The following CCDC47 variants were observed in gnomAD, a reference collection of about 807,000 sequenced individuals.
CCDC47 encodes the protein PAT complex subunit CCDC47.
In CCDC47, 41 loss-of-function variants were observed where a neutral mutation model predicts 60.5. That is an observed-to-expected ratio of 0.68 (90% CI 0.53 to 0.88). The LOEUF (loss-of-function observed/expected upper bound fraction) is 0.88. Among genes scored for constraint, CCDC47 ranks in the 40% least tolerant of loss-of-function variants. The pLI is 0.00. For synonymous variants in CCDC47, 195 were observed against 190.7 expected (o/e 1.02, Z -0.18); for missense variants, 513 against 580.9 (o/e 0.88, Z 1.20).
chr17:63,768,976 T>C (rs1024133392), intron 1 of CCDC47, among the ~76,000 whole-genome samples: 1 of 151,374 alleles, frequency 6.6e-6, no homozygotes, highest in African/African-American at 2.4e-5. Flanking sequence ...CCCAGCTACT[T>C]GGGAGGCTGA....
intron 1 of CCDC47, among the ~76,000 whole-genome samples, chr17:63,769,214 C>T (rs1335022548): frequency 1.4e-5 from 2 of 148,020 alleles, no homozygotes; most frequent in African/African-American, 2.5e-5. Context: ...TGCGCCACTG[C>T]ACTACAGCCT....
At chr17:63,756,103 A>G in intron 8 of CCDC47, 137 bp downstream of exon 8, 1 of 626,210 alleles carries the variant, frequency 1.6e-6, no homozygotes, top group Non-Finnish European at 2.9e-6. Flanking sequence ...TAAAGAAGGT[A>G]TTTTAATATT....
intron 8 of CCDC47, among the ~76,000 whole-genome samples, 175 bp from the exon 9 acceptor site, chr17:63,754,693 C>T (rs1229177377): frequency 2.6e-5 from 4 of 151,678 alleles, no homozygotes; most frequent in African/African-American, 7.3e-5. Flanking sequence ...TCAGCCTGGC[C>T]AACACAGTGA....
chr17:63,762,360 C>G, intron 4 of CCDC47: 3 of 470,370 alleles, frequency 6.4e-6, no homozygotes, highest in Non-Finnish European at 8.3e-6. Flanking sequence ...ACGGGGTGGA[C>G]TTTGCAAACA....
intron 8 of CCDC47, among the ~76,000 whole-genome samples, chr17:63,754,795 A>G (rs2144477467): frequency 6.6e-6 from 1 of 151,776 alleles, no homozygotes; most frequent in South Asian, 2.1e-4. Context: ...AGGCACGAGA[A>G]GCGTTTGAAC....
At chr17:63,767,834 G>A (rs1025877996) in intron 1 of CCDC47, among the ~76,000 whole-genome samples, 7 of 151,946 alleles carry the variant, frequency 4.6e-5, no homozygotes, top group African/African-American at 1.2e-4. Context: ...TTCTCTATTC[G>A]TATATTAATA....
In CCDC47 at chr17:63,752,363, A is replaced by G. The variant is rs2039173650; in HGVS notation, c.1160T>C (p.Ile387Thr). ...CTTTTTGGCTTTATCAATAGAATAA[A>G]TCACCATGTTCATCAGGGGTAGCAG... ...EALLPLMNMV[I>T]YSIDKAKKFR... The change falls in exon 11 of 13, where the codon ATT (isoleucine) becomes ACT (threonine). Residue 387 changes from isoleucine to threonine, a missense_variant. Transcript: ENST00000225726. 1.2e-6 allele frequency: 2 copies of G among 1,614,058 alleles called. No individual in the cohort carries two copies. Among genetic ancestry groups the G allele is most frequent in the Non-Finnish European group, 1.7e-6 (2 of 1,179,938 alleles).
At position 63,746,944 on chromosome 17, in the gene CCDC47, A is replaced by G. The variant is rs758813658; in HGVS notation, c.1389T>C (p.Arg463=). 1.1e-5 allele frequency: 17 copies of G among 1,613,542 alleles called. No homozygotes were observed. In the African/African-American group the frequency reaches 2.1e-4, roughly 20 times the overall value. Residue 463 remains arginine (R), a synonymous_variant, in exon 13 of 13, where the codon CGT becomes CGC. Transcript: ENST00000225726. ...QRRLEEAALR[R]EQKKLEKKQM... ...GCTTCTTTTCCAACTTCTTTTGCTC[A>G]CGCCTCAATGCAGCCTCCTAGAGAA...
intron 1 of CCDC47, among the ~76,000 whole-genome samples, chr17:63,770,559 T>G (rs1237788654): frequency 6.6e-6 from 1 of 152,196 alleles, no homozygotes; most frequent in East Asian, 1.9e-4. Context: ...AAATATGTAC[T>G]ACTCTTTCAA....
chr17:63,766,328 A>C lies in CCDC47; in HGVS notation c.-19-134T>G, dbSNP rs201133358. On this transcript the variant is annotated intron_variant, in intron 1 of 12. Coordinates refer to ENST00000225726, the MANE Select transcript of CCDC47 (RefSeq NM_020198.3). ...CTATTAGATTCAGACCACATTATAT[A>C]AAGAACAATGAAGTAAGGTCAAGAG... is the stretch of plus-strand genomic sequence containing the variant. 2.2e-5 allele frequency: 18 copies of C among 817,708 alleles called. No homozygotes were observed. The East Asian group carries it at 2.6e-4, about 12-fold the overall frequency. The allele number at this position is 817,708 out of a possible 1,614,324, so 50.7% of individuals were successfully genotyped here.
At chr17:63,771,033 G>GAAAGAAAGA (rs1568253157) in intron 1 of CCDC47, among the ~76,000 whole-genome samples, 3 of 120,592 alleles carry the variant, frequency 2.5e-5, no homozygotes, top group African/African-American at 1.2e-4. Flanking sequence ...AGGAAGGAAG[G>GAAAGAAAGA]AAGGAAGGAA....
chr17:63,759,823 T>C (rs2039242805), intron 6 of CCDC47, among the ~76,000 whole-genome samples: 1 of 151,334 alleles, frequency 6.6e-6, no homozygotes, highest in South Asian at 2.1e-4. Context: ...CCCAGCACTC[T>C]GGGAGGCCAA....
chr17:63,748,405 G>A (rs563787600), intron 12 of CCDC47, among the ~76,000 whole-genome samples: 273 of 152,046 alleles, frequency 1.8e-3, no homozygotes, highest in African/African-American at 6.4e-3. Context: ...GAGCCACCGC[G>A]CCCGGCCTAT....
chr17:63,771,038 AAGG>A (rs1568253177), intron 1 of CCDC47, among the ~76,000 whole-genome samples: 6 of 132,682 alleles, frequency 4.5e-5, no homozygotes, highest in African/African-American at 1.4e-4. Flanking sequence ...GGAAGGAAGG[AAGG>A]AAGGAAGAAA....
chr17:63,761,165 G>A lies in CCDC47; in HGVS notation c.669+65C>T, dbSNP rs904317663. On this transcript the variant is annotated intron_variant, in intron 5 of 12. Coordinates refer to ENST00000225726, the MANE Select transcript of CCDC47 (RefSeq NM_020198.3). ...AAGGGATAAGATGCTGAATTGGGGGGCTGGGAATCACAACTGGACAAAATT... is the reference window on the plus strand; with the variant it reads ...AAGGGATAAGATGCTGAATTGGGGGACTGGGAATCACAACTGGACAAAATT... 5.7e-6 allele frequency: 9 copies of A among 1,589,554 alleles called. No homozygotes were observed. The African/African-American group carries it at 1.1e-4, about 19-fold the overall frequency.
chr17:63,755,982 T>C (rs1181846445), intron 8 of CCDC47, among the ~76,000 whole-genome samples: 1 of 151,964 alleles, frequency 6.6e-6, no homozygotes, highest in Non-Finnish European at 1.5e-5. Context: ...GCTATATTCC[T>C]TTTTCAAAAA....
rs923157459 is a variant in CCDC47 at position 63,772,219 on chromosome 17, C to T, written c.-20+1193G>A. ...ATTTGCTACTTGCCTCTTAGGGCTGCAGTGGGTATTACGGGAGATATGTAC... is the reference window on the plus strand; with the variant it reads ...ATTTGCTACTTGCCTCTTAGGGCTGTAGTGGGTATTACGGGAGATATGTAC... On this transcript the variant is annotated intron_variant, in intron 1 of 12. Transcript: ENST00000225726. 6.0e-5 allele frequency among the ~76,000 whole-genome samples: 9 copies of T among 150,604 alleles called. No homozygotes were observed. In the East Asian group the frequency reaches 1.4e-3, roughly 23 times the overall value.
chr17:63,757,666 C>T (rs1184862655), intron 6 of CCDC47, among the ~76,000 whole-genome samples: 2 of 152,116 alleles, frequency 1.3e-5, no homozygotes, highest in African/African-American at 4.8e-5. Context: ...CACAGGAGCA[C>T]TCAAGTCCAA....
intron 11 of CCDC47, 60 bp from the exon 12 acceptor site, chr17:63,752,167 C>T: frequency 2.5e-6 from 4 of 1,579,430 alleles, no homozygotes; most frequent in Non-Finnish European, 3.5e-6. Context: ...GCAACAAAAT[C>T]CCGTTTAGCA....
Sources: allele counts gnomAD v4.1 joint callset (sites outside exome capture counted in the v4.1 genomes callset), GRCh38; gene constraint gnomAD v4.1.1; transcripts MANE v1.5; gene names NCBI Gene and HGNC (gene_info 2026-07-23, HGNC 2026-07-21).